The following RORA variants were observed in gnomAD, a reference collection of about 807,000 sequenced individuals.
RORA encodes the protein nuclear receptor ROR-alpha.
A neutral mutation model predicts 69.5 loss-of-function variants in RORA; 7 were observed. The ratio of observed to expected loss-of-function variants is 0.10; its 90% CI spans 0.06 to 0.19. RORA has a LOEUF of 0.19. Among genes scored for constraint, RORA ranks in the 10% least tolerant of loss-of-function variants. The pLI is 1.00. For missense variants in RORA, 457 were observed against 663.0 expected, an observed-to-expected ratio of 0.69 and a Z score of 3.41; for synonymous variants, 261 against 240.8, an observed-to-expected ratio of 1.08 and a Z score of -0.78.
In RORA at chr15:60,964,441, A is replaced by ATGAG. The variant is rs372119360; in HGVS notation, c.166+264608_166+264611dup. On this transcript the variant is annotated intron_variant, in intron 1 of 10. Coordinates refer to ENST00000335670, the MANE Select transcript of RORA (RefSeq NM_134261.3). ...CTGGGAAAGCCCTCCTCTGAAAAGA[A>ATGAG]TGAGTCTTGAGAGGAATAGTGTGAG... Among the ~76,000 whole-genome samples, 93 of 152,272 alleles carry ATGAG rather than the reference A, an allele frequency of 6.1e-4. 1 individual carries two copies. The highest frequency in any genetic ancestry group is 6.8e-3 in the Middle Eastern group (2 of 294).
chr15:61,036,512 T>G (rs1243535800), intron 1 of RORA, among the ~76,000 whole-genome samples: 1 of 152,130 alleles, frequency 6.6e-6, no homozygotes, highest in Non-Finnish European at 1.5e-5. Flanking sequence ...TCTGGAACAG[T>G]CCCTTCACTG....
At chr15:60,788,915 C>T (rs750479729) in intron 1 of RORA, among the ~76,000 whole-genome samples, 2 of 152,224 alleles carry the variant, frequency 1.3e-5, no homozygotes, top group Admixed American at 1.3e-4. Flanking sequence ...TAATTTTTAT[C>T]AGCTGAACAT....
intron 1 of RORA, among the ~76,000 whole-genome samples, chr15:60,780,430 C>A (rs2072236891): frequency 6.6e-6 from 1 of 152,192 alleles, no homozygotes; most frequent in Non-Finnish European, 1.5e-5. Flanking sequence ...TGTCAGAGAA[C>A]ATTCAAGAGG....
chr15:61,081,465 T>G (rs1039229460), intron 1 of RORA, among the ~76,000 whole-genome samples: 1 of 152,158 alleles, frequency 6.6e-6, no homozygotes, highest in Non-Finnish European at 1.5e-5. Context: ...TGGTCTTATT[T>G]CCCCGTGTAT....
intron 1 of RORA, among the ~76,000 whole-genome samples, chr15:60,903,462 A>T (rs1286201143): frequency 6.6e-6 from 1 of 152,204 alleles, no homozygotes; most frequent in Non-Finnish European, 1.5e-5. Flanking sequence ...TTCCCCTGTG[A>T]GTCAGTCATC....
intron 1 of RORA, among the ~76,000 whole-genome samples, chr15:61,172,110 T>C (rs932142371): frequency 1.3e-5 from 2 of 152,098 alleles, no homozygotes; most frequent in South Asian, 2.1e-4. Context: ...CATCTGAATA[T>C]ATTTCCATGA....
intron 1 of RORA, among the ~76,000 whole-genome samples, chr15:60,709,376 A>G (rs2071111939): frequency 6.6e-6 from 1 of 152,220 alleles, no homozygotes; most frequent in Admixed American, 6.5e-5. Flanking sequence ...TCTGATATCT[A>G]TGAAGTAACA....
At chr15:60,626,611 CAT>C (rs1441289962) in intron 2 of RORA, among the ~76,000 whole-genome samples, 1 of 152,182 alleles carries the variant, frequency 6.6e-6, no homozygotes, top group Non-Finnish European at 1.5e-5. Flanking sequence ...ATCATAAACC[CAT>C]GAGGCTGTCG....
chr15:61,005,812 T>G (rs1894893602), intron 1 of RORA, among the ~76,000 whole-genome samples: 1 of 152,112 alleles, frequency 6.6e-6, no homozygotes, highest in Non-Finnish European at 1.5e-5. Context: ...CTATATAAAC[T>G]TCCTCTCTTG....
chr15:60,887,959 TG>T (rs1272598530), intron 1 of RORA, among the ~76,000 whole-genome samples: 2 of 152,250 alleles, frequency 1.3e-5, no homozygotes, highest in African/African-American at 4.8e-5. Flanking sequence ...GAGCCCAAAA[TG>T]AAGAAAATCT....
At chr15:61,216,047 C>A (rs1193771257) in intron 1 of RORA, among the ~76,000 whole-genome samples, 1 of 152,212 alleles carries the variant, frequency 6.6e-6, no homozygotes, top group African/African-American at 2.4e-5. Flanking sequence ...AAACATTTCA[C>A]AGCCATCTCA....
At chr15:60,973,851 A>G (rs115236481) in intron 1 of RORA, among the ~76,000 whole-genome samples, 1,969 of 152,300 alleles carry the variant, frequency 0.013, 49 homozygotes, top group African/African-American at 0.045. Context: ...TGGACTCGCC[A>G]ATTAGGCCCA....
intron 1 of RORA, among the ~76,000 whole-genome samples, chr15:61,148,086 C>T (rs1249734653): frequency 6.6e-6 from 1 of 152,174 alleles, no homozygotes; most frequent in Non-Finnish European, 1.5e-5. Context: ...CACATCAATC[C>T]ATCGATGCCG....
chr15:60,888,206 C>A (rs1409082448), intron 1 of RORA, among the ~76,000 whole-genome samples: 1 of 152,206 alleles, frequency 6.6e-6, no homozygotes, highest in Non-Finnish European at 1.5e-5. Context: ...GTTGTACCTG[C>A]CCTCTTGCTC....
intron 1 of RORA, among the ~76,000 whole-genome samples, chr15:61,145,816 C>G (rs1455260826): frequency 6.6e-6 from 1 of 152,074 alleles, no homozygotes; most frequent in East Asian, 1.9e-4. Context: ...GGCAGTATCC[C>G]AGCACCATCA....
chr15:60,573,043 G>A (rs969451372), intron 2 of RORA, among the ~76,000 whole-genome samples: 1 of 152,126 alleles, frequency 6.6e-6, no homozygotes, highest in Non-Finnish European at 1.5e-5. Flanking sequence ...CTTTTTGCTC[G>A]ATAGTCAATA....
intron 2 of RORA, among the ~76,000 whole-genome samples, chr15:60,568,932 A>T: frequency 1.7e-5 from 2 of 117,926 alleles, no homozygotes. Flanking sequence ...TTCAGTTTAG[A>T]TGGTTTTGCG....
intron 1 of RORA, among the ~76,000 whole-genome samples, chr15:60,698,082 T>A (rs2070930709): frequency 6.6e-6 from 1 of 152,234 alleles, no homozygotes. Flanking sequence ...GAAGTGATTC[T>A]GTATTTTATT....
At chr15:60,979,669 T>C (rs1893979984) in intron 1 of RORA, among the ~76,000 whole-genome samples, 1 of 152,194 alleles carries the variant, frequency 6.6e-6, no homozygotes, top group Non-Finnish European at 1.5e-5. Context: ...GATTTTTGGA[T>C]ATTGATCTTA....
Sources: gnomAD v4.1 joint callset for allele counts (sites outside exome capture counted in the v4.1 genomes callset) on GRCh38, gnomAD v4.1.1 for gene constraint, MANE v1.5 for transcripts, NCBI Gene and HGNC (gene_info 2026-07-23, HGNC 2026-07-21) for gene names.